KLRG1: variants seen among roughly 807,000 people sequenced by gnomAD.
KLRG1 encodes killer cell lectin like receptor G1.
KLRG1 carries 16 observed loss-of-function variants against 21.8 expected under a neutral mutation model. The ratio of observed to expected loss-of-function variants is 0.73; its 90% CI spans 0.50 to 1.11. The LOEUF (loss-of-function observed/expected upper bound fraction) is 1.11, where lower values mean the gene tolerates loss of function less well. Ranked by LOEUF, KLRG1 falls within the 50% of genes most tolerant of loss-of-function variation. KLRG1 has a pLI of 0.00. For synonymous variants in KLRG1, 69 were observed against 75.9 expected (o/e 0.91, Z 0.47); for missense variants, 173 against 218.3 (o/e 0.79, Z 1.31).
chr12:9,169,064 G>A, the KLRG1 span: 6 of 902,430 alleles, frequency 6.6e-6, no homozygotes, highest in Non-Finnish European at 1.1e-5. Context: ...TGTAATTCCA[G>A]TATCCTTATA....
At chr12:9,202,283 T>C in the KLRG1 span, 2 of 1,555,622 alleles carry the variant, frequency 1.3e-6, no homozygotes, top group East Asian at 2.2e-5. Context: ...ATTCCCACTC[T>C]ACCCACAACC....
the KLRG1 span, among the ~76,000 whole-genome samples, chr12:9,053,479 T>G: frequency 1.3e-5 from 2 of 152,186 alleles, no homozygotes; most frequent in African/African-American, 4.8e-5. Flanking sequence ...CATTTGTTGT[T>G]GAACTGCATG....
chr12:9,162,629 T>G, the KLRG1 span: 1 of 1,595,288 alleles, frequency 6.3e-7, no homozygotes, highest in Non-Finnish European at 8.6e-7. Flanking sequence ...GAAAGTCTTT[T>G]CTTGCTCAAT....
At chr12:9,177,571 G>A in the KLRG1 span, among the ~76,000 whole-genome samples, 40 of 152,290 alleles carry the variant, frequency 2.6e-4, no homozygotes, top group Non-Finnish European at 4.4e-4. Flanking sequence ...GATAGGTAAC[G>A]CAAACACCCT....
At chr12:9,144,577 T>C in the KLRG1 span, among the ~76,000 whole-genome samples, 2 of 151,078 alleles carry the variant, frequency 1.3e-5, no homozygotes, top group African/African-American at 2.4e-5. Flanking sequence ...CAAAGACAGG[T>C]TTATTTTGGA....
the KLRG1 span, chr12:9,113,383 C>G: frequency 6.2e-7 from 1 of 1,613,500 alleles, no homozygotes; most frequent in Non-Finnish European, 8.5e-7. Context: ...CAGTGGAGTA[C>G]GTCATTCTCC....
the KLRG1 span, chr12:9,196,886 A>T: frequency 1.2e-6 from 1 of 834,570 alleles, no homozygotes. Context: ...CTAAGAACAG[A>T]AATTCGTTTT....
chr12:9,164,343 GC>G, the KLRG1 span: 1 of 1,424,740 alleles, frequency 7.0e-7, no homozygotes, highest in Non-Finnish European at 9.6e-7. Flanking sequence ...AGTGTGAGAT[GC>G]TGCAGTAAAT....
the KLRG1 span, chr12:9,152,950 G>T: frequency 6.2e-7 from 1 of 1,614,106 alleles, no homozygotes; most frequent in Non-Finnish European, 8.5e-7. Flanking sequence ...TTTCATGGAT[G>T]TCTGTGAAAC....
downstream of KLRG1, among the ~76,000 whole-genome samples, chr12:9,012,123 T>C (rs1234556184): frequency 6.6e-6 from 1 of 152,156 alleles, no homozygotes; most frequent in East Asian, 1.9e-4. Context: ...GAATGTGACC[T>C]AGTGAAACAC....
chr12:9,196,664 T>TCA, the KLRG1 span: 1 of 1,612,362 alleles, frequency 6.2e-7, no homozygotes, highest in Non-Finnish European at 8.5e-7. Context: ...ACTTGTTGGG[T>TCA]GATGCAGCCA....
the KLRG1 span, chr12:9,197,201 CT>C: frequency 1.0e-6 from 1 of 972,714 alleles, no homozygotes; most frequent in South Asian, 1.3e-5. Flanking sequence ...AGAACTGTCC[CT>C]CTTTAGAGTT....
the KLRG1 span, among the ~76,000 whole-genome samples, chr12:9,137,033 C>T: frequency 1.3e-5 from 2 of 152,224 alleles, no homozygotes; most frequent in East Asian, 1.9e-4. Context: ...TCCAGTTTGA[C>T]ATAGTTCAAC....
At chr12:9,208,971 T>C in the KLRG1 span, among the ~76,000 whole-genome samples, 1 of 152,216 alleles carries the variant, frequency 6.6e-6, no homozygotes, top group East Asian at 1.9e-4. Context: ...GATCAGATTC[T>C]TAGTTGATCC....
At chr12:8,983,772 A>G (rs1946799153) in intron 1 of KLRG1, among the ~76,000 whole-genome samples, 1 of 152,070 alleles carries the variant, frequency 6.6e-6, no homozygotes, top group Admixed American at 6.6e-5. Flanking sequence ...TTTAGCTATC[A>G]TTCATGTGTT....
At chr12:8,978,525 G>C (rs1946693816) in intron 1 of KLRG1, among the ~76,000 whole-genome samples, 1 of 152,124 alleles carries the variant, frequency 6.6e-6, no homozygotes, top group African/African-American at 2.4e-5. Context: ...TTGGTTGGCT[G>C]TTTTCTCTTT....
the KLRG1 span, among the ~76,000 whole-genome samples, chr12:9,035,590 A>G: frequency 6.6e-6 from 1 of 150,530 alleles, no homozygotes. Flanking sequence ...CAGAACTTAA[A>G]GTAAAAAAAA....
the KLRG1 span, among the ~76,000 whole-genome samples, chr12:9,053,326 T>C: frequency 4.6e-5 from 7 of 152,120 alleles, no homozygotes; most frequent in Non-Finnish European, 8.8e-5. Flanking sequence ...AATGAATACA[T>C]AATTTCACAA....
chr12:9,164,048 A>G, the KLRG1 span: 1 of 1,469,572 alleles, frequency 6.8e-7, no homozygotes, highest in Non-Finnish European at 9.3e-7. Flanking sequence ...TCTATGGCAA[A>G]TAAAAGAGAG....
Sources: gnomAD v4.1 joint callset for allele counts (sites outside exome capture counted in the v4.1 genomes callset) on GRCh38, gnomAD v4.1.1 for gene constraint, MANE v1.5 for transcripts, NCBI Gene and HGNC (gene_info 2026-07-23, HGNC 2026-07-21) for gene names.